The following HYDIN variants were observed in gnomAD, a reference collection of about 807,000 sequenced individuals.
The protein encoded by HYDIN is HYDIN axonemal central pair apparatus protein, also known as axonemal central pair apparatus protein HYDIN.
A neutral mutation model predicts 403.9 loss-of-function variants in HYDIN; 132 were observed. That is an observed-to-expected ratio of 0.33 (90% CI 0.28 to 0.38). The LOEUF (loss-of-function observed/expected upper bound fraction) is 0.38, where lower values mean the gene tolerates loss of function less well. HYDIN is among the 10% of genes least tolerant of loss of function. The pLI is 1.00. For missense variants in HYDIN, 2,827 were observed against 5,009.5 expected (o/e 0.56, Z 13.15); for synonymous variants, 1,202 against 1,891.7 (o/e 0.64, Z 9.46).
chr16:70,896,116 G>A (rs1252222640), intron 53 of HYDIN, 36 bp from the exon 54 acceptor site: 1 of 1,610,820 alleles, frequency 6.2e-7, no homozygotes, highest in Non-Finnish European at 8.5e-7. Flanking sequence ...GTAAAAGCAA[G>A]ACCTATAGGT....
intron 18 of HYDIN, among the ~76,000 whole-genome samples, chr16:71,045,103 G>T (rs1258437235): frequency 6.6e-6 from 1 of 152,146 alleles, no homozygotes; most frequent in African/African-American, 2.4e-5. Flanking sequence ...AGCCTGACTT[G>T]ACTCCAATTT....
chr16:70,986,248 A>C (rs1311958067), intron 27 of HYDIN, among the ~76,000 whole-genome samples: 2 of 145,596 alleles, frequency 1.4e-5, no homozygotes, highest in Non-Finnish European at 3.0e-5. Context: ...GTAACAGGCC[A>C]GTCATGTTCT....
intron 84 of HYDIN, chr16:70,811,248 C>G (rs1163667347): frequency 6.6e-6 from 1 of 152,046 alleles, no homozygotes; most frequent in Admixed American, 6.6e-5. Flanking sequence ...ATAGCGAGAG[C>G]CTGTTTCTAC....
At chr16:71,158,038 C>A (rs1371098295) in intron 6 of HYDIN, among the ~76,000 whole-genome samples, 1 of 151,314 alleles carries the variant, frequency 6.6e-6, no homozygotes, top group African/African-American at 2.4e-5. Flanking sequence ...CAGTCTCCTG[C>A]TAGTGTCCCT....
chr16:71,070,153 G>A (rs1361624889), intron 13 of HYDIN, among the ~76,000 whole-genome samples: 8 of 152,098 alleles, frequency 5.3e-5, no homozygotes, highest in Admixed American at 3.9e-4. Context: ...CTTTGTCATC[G>A]TATCCAGCTT....
intron 50 of HYDIN, among the ~76,000 whole-genome samples, chr16:70,906,150 G>GA (rs145165010): frequency 5.9e-5 from 9 of 151,886 alleles, no homozygotes; most frequent in East Asian, 1.9e-4. Flanking sequence ...GTATATAACT[G>GA]AAAAAAAACT....
chr16:70,926,156 G>A (rs1346646357), intron 45 of HYDIN, among the ~76,000 whole-genome samples: 1 of 145,002 alleles, frequency 6.9e-6, no homozygotes, highest in East Asian at 2.0e-4. Flanking sequence ...AACGACACAT[G>A]CGCATGTATG....
chr16:70,805,888 AC>A lies in HYDIN; in HGVS notation c.*1691del. On this transcript the variant is annotated 3_prime_UTR_variant, in exon 86 of 86. Transcript: ENST00000393567. Reference sequence around the variant, plus strand: ...AAAATTCCAGAAATAAAAAATTCATACTTTTTAAATGGCATGCTGTTCTGAA... The same window carrying A: ...AAAATTCCAGAAATAAAAAATTCATATTTTTAAATGGCATGCTGTTCTGAA... 2.0e-5 allele frequency among the ~76,000 whole-genome samples: 3 copies of A among 152,314 alleles called. No individual in the cohort carries two copies. Among genetic ancestry groups the A allele is most frequent in the Admixed American group, 2.0e-4 (3 of 15,288 alleles).
At chr16:71,028,536 A>G (rs2080795343) in intron 19 of HYDIN, among the ~76,000 whole-genome samples, 2 of 151,682 alleles carry the variant, frequency 1.3e-5, no homozygotes, top group African/African-American at 2.4e-5. Flanking sequence ...GATCTCGGAT[A>G]TGGTTCAAAT....
chr16:71,141,210 C>A (rs1340477400), intron 7 of HYDIN, among the ~76,000 whole-genome samples: 1 of 145,380 alleles, frequency 6.9e-6, no homozygotes, highest in African/African-American at 2.5e-5. Context: ...ATTATAAAGG[C>A]AGTATCTCAA....
chr16:70,900,747 T>C (rs2076348181), intron 53 of HYDIN, among the ~76,000 whole-genome samples: 1 of 151,240 alleles, frequency 6.6e-6, no homozygotes, highest in Non-Finnish European at 1.5e-5. Flanking sequence ...ATTCATTCAT[T>C]CATTTATTTG....
chr16:71,064,667 A>G, intron 16 of HYDIN, 38 bp downstream of exon 16: 1 of 1,567,684 alleles, frequency 6.4e-7, no homozygotes, highest in Non-Finnish European at 8.7e-7. Flanking sequence ...AACTCAATGG[A>G]AGAATAATTA....
rs1365893478 is a variant in HYDIN at position 70,943,932 on chromosome 16, G to T, written c.6549C>A (p.Leu2183=). 3 of 1,608,534 alleles carry T rather than the reference G, an allele frequency of 1.9e-6. No individual in the cohort carries two copies. Among genetic ancestry groups the T allele is most frequent in the South Asian group, 2.2e-5 (2 of 89,994 alleles). ...SETPQISSSP[L]PPGPIHRWLS... ...GCCAGCGGTGGATGGGCCCCGGGGG[G>T]AGAGGGCTGGAGGAAATCTGTTGAG... The change falls in exon 42 of 86, where the codon CTC becomes CTA. Residue 2183 remains leucine (L), a synonymous_variant. Coordinates refer to ENST00000393567, the MANE Select transcript of HYDIN (RefSeq NM_001270974.2).
At chr16:71,184,762 A>G in intron 3 of HYDIN, 103 bp downstream of exon 3, 4 of 981,038 alleles carry the variant, frequency 4.1e-6, no homozygotes, top group Admixed American at 2.3e-5. Flanking sequence ...AACAAACCCA[A>G]TAAAGGATTA....
chr16:71,025,890 G>C (rs930006045), intron 20 of HYDIN, among the ~76,000 whole-genome samples: 2 of 152,086 alleles, frequency 1.3e-5, no homozygotes, highest in African/African-American at 4.8e-5. Context: ...TAGTTGGAAA[G>C]TTTTTGTCTT....
At chr16:71,033,236 C>G (rs7204163) in intron 18 of HYDIN, among the ~76,000 whole-genome samples, 85 of 142,942 alleles carry the variant, frequency 5.9e-4, no homozygotes, top group Middle Eastern at 3.5e-3. Context: ...ATCTAAAGAA[C>G]AAGAGCAAAG....
intron 44 of HYDIN, among the ~76,000 whole-genome samples, chr16:70,938,176 T>G (rs2077553572): frequency 6.6e-6 from 1 of 152,196 alleles, no homozygotes; most frequent in African/African-American, 2.4e-5. Context: ...GGGCTGAGAT[T>G]TGGGGAGCAG....
chr16:70,894,353 T>C lies in HYDIN; in HGVS notation c.9248+96A>G, dbSNP rs1259391379. The C allele has an allele frequency of 3.8e-6, 6 of 1,563,562 alleles. No individual in the cohort carries two copies. The African/African-American group carries it at 8.1e-5, about 21-fold the overall frequency. On this transcript the variant is annotated intron_variant, in intron 55 of 85. Transcript: ENST00000393567. Reference sequence around the variant, plus strand: ...CGGTGGACTTGACGGCCGCAAACCCTATCGGATTCAGGTTACCTGAACACG... The same window carrying C: ...CGGTGGACTTGACGGCCGCAAACCCCATCGGATTCAGGTTACCTGAACACG...
chr16:71,066,285 G>A (rs2144290390), intron 15 of HYDIN, among the ~76,000 whole-genome samples: 1 of 152,124 alleles, frequency 6.6e-6, no homozygotes, highest in East Asian at 1.9e-4. Context: ...GAAAAAATAG[G>A]TCTTGAAGGA....
Sources: gnomAD v4.1 joint callset for allele counts (sites outside exome capture counted in the v4.1 genomes callset) on GRCh38, gnomAD v4.1.1 for gene constraint, MANE v1.5 for transcripts, NCBI Gene and HGNC (gene_info 2026-07-23, HGNC 2026-07-21) for gene names.